The following IQGAP3 variants were observed in gnomAD, a reference collection of about 807,000 sequenced individuals.
IQGAP3 encodes the protein IQ motif containing GTPase activating protein 3.
IQGAP3 carries 165 observed loss-of-function variants against 208.2 expected under a neutral mutation model. The ratio of observed to expected loss-of-function variants is 0.79; its 90% CI spans 0.70 to 0.90. IQGAP3 has a LOEUF of 0.90. Ranked by LOEUF, IQGAP3 falls within the 40% of genes least tolerant of loss-of-function variation. The pLI is 0.00. For synonymous variants in IQGAP3, 703 were observed against 803.6 expected (o/e 0.87, Z 2.12); for missense variants, 1,811 against 2,043.1 (o/e 0.89, Z 2.19).
rs760850975 is a variant in IQGAP3, at chr1:156,540,827, G to C, written c.2620C>G (p.Leu874Val). Residue 874 changes from leucine to valine, a missense_variant, in exon 23 of 38, where the codon CTG (leucine) becomes GTG (valine). Transcript: ENST00000361170. ...SQQDFLAEAE[L>V]LKLQEEVVRK... ...ACTACCTCTTCCTGGAGCTTCAGCA[G>C]CTCTGCCTCAGCCAAGAAGTCTTGC... 1.2e-6 allele frequency: 2 copies of C among 1,614,118 alleles called. No homozygotes were observed. Among genetic ancestry groups the C allele is most frequent in the Non-Finnish European group, 1.7e-6 (2 of 1,180,002 alleles).
intron 25 of IQGAP3, 95 bp from the exon 26 acceptor site, chr1:156,539,128 C>G (rs1674855320): frequency 6.6e-6 from 7 of 1,055,250 alleles, no homozygotes; most frequent in Non-Finnish European, 8.6e-6. Flanking sequence ...CAAAGCCTGC[C>G]CTGGTGTCCC....
At chr1:156,553,669 C>T (rs1449604676) in intron 13 of IQGAP3, among the ~76,000 whole-genome samples, 1 of 151,542 alleles carries the variant, frequency 6.6e-6, no homozygotes, top group African/African-American at 2.4e-5. Flanking sequence ...ACAACCTCCA[C>T]CTCCCAGGTT....
At position 156,537,325 on chromosome 1, in the gene IQGAP3, T is replaced by G; in HGVS notation, c.3282-4A>C. On this transcript the variant is annotated splice_polypyrimidine_tract_variant and splice_region_variant and intron_variant, in intron 26 of 37. Coordinates refer to ENST00000361170, the MANE Select transcript of IQGAP3 (RefSeq NM_178229.5). Reference sequence around the variant, plus strand: ...GGTGACATCATATGGGAGATGGCTATGAGCAGAGAGAGACAAGGTGTAAGC... The same window carrying G: ...GGTGACATCATATGGGAGATGGCTAGGAGCAGAGAGAGACAAGGTGTAAGC... 2 of 1,610,828 alleles carry G rather than the reference T, an allele frequency of 1.2e-6. No individual in the cohort carries two copies. Among genetic ancestry groups the G allele is most frequent in the Non-Finnish European group, 1.7e-6 (2 of 1,178,398 alleles).
At chr1:156,531,584 G>A (rs1674405856) in intron 32 of IQGAP3, among the ~76,000 whole-genome samples, 1 of 149,212 alleles carries the variant, frequency 6.7e-6, no homozygotes, top group South Asian at 2.1e-4. Context: ...GCAGGACAAA[G>A]ATGATACTCA....
chr1:156,569,284 C>T (rs1360399117), intron 2 of IQGAP3, 92 bp downstream of exon 2: 13 of 782,678 alleles, frequency 1.7e-5, no homozygotes, highest in East Asian at 8.0e-5. Context: ...GATGGACTCT[C>T]GATCTGTTGC....
In IQGAP3 at chr1:156,530,223, GAGTGAGCTGTC is replaced by G. The variant is rs1390148784; in HGVS notation, c.4275_4285del (p.Thr1426ProfsTer19). 14 of 1,613,270 alleles carry G rather than the reference GAGTGAGCTGTC, an allele frequency of 8.7e-6. No individual in the cohort carries two copies. Among genetic ancestry groups the G allele is most frequent in the Non-Finnish European group, 1.2e-5 (14 of 1,179,920 alleles). ...CTGCTTCTCTGCCAGTGGCAGGAGGGAGTGAGCTGTCAGTGAGCGGTGTCGTCGCAGTGGCT... is the reference window on the plus strand; with the variant it reads ...CTGCTTCTCTGCCAGTGGCAGGAGGGAGTGAGCGGTGTCGTCGCAGTGGCT... On this transcript the variant is annotated frameshift_variant, in exon 34 of 38. Coordinates refer to ENST00000361170, the MANE Select transcript of IQGAP3 (RefSeq NM_178229.5). LOFTEE classifies it high-confidence loss of function.
Position 156,531,176 on chromosome 1 carries a change from G to A in IQGAP3, c.4175C>T (p.Ser1392Leu), listed in dbSNP as rs752215135. Reference protein sequence around the residue: ...GDTLKEILSLSASREQEAAHK... With the variant: ...GDTLKEILSLLASREQEAAHK... ...GCTACTCACTTGCTCTCTGGAAGCC[G>A]AGAGGGACAGGATCTCCTTGAGGGT... The change falls in exon 33 of 38, where the codon TCG (serine) becomes TTG (leucine). Residue 1392 changes from serine to leucine, a missense_variant. By Grantham distance (145) the Ser-to-Leu change is moderately radical. Transcript: ENST00000361170. 20 of 1,613,450 alleles carry A rather than the reference G, an allele frequency of 1.2e-5. No individual in the cohort carries two copies. In the South Asian group the frequency reaches 1.9e-4, roughly 15 times the overall value.
intron 1 of IQGAP3, among the ~76,000 whole-genome samples, chr1:156,571,859 TC>T (rs1676659900): frequency 6.6e-6 from 1 of 152,164 alleles, no homozygotes; most frequent in African/African-American, 2.4e-5. Context: ...CACCCATCCT[TC>T]CAGCTCCAGT....
chr1:156,536,960 T>C (rs375669852), intron 27 of IQGAP3: 49 of 423,490 alleles, frequency 1.2e-4, no homozygotes, highest in African/African-American at 9.3e-4. Flanking sequence ...ACTGACATCC[T>C]ACCAGGCCAC....
rs374166935 is a variant in IQGAP3, at chr1:156,550,286, G to C, written c.1800C>G (p.Asn600Lys). ...TTCTCTGAGCTGTATTAGTGTCCTG[G>C]TTGGCTCTGACCACTCCCTGGCGGA... ...EEIRQGVVRA[N>K]QDTNTAQRMA... The change falls in exon 16 of 38, where the codon AAC becomes AAG. Residue 600 changes from asparagine to lysine, a missense_variant. By Grantham distance (94) the Asn-to-Lys change is moderately conservative. Coordinates refer to ENST00000361170, the MANE Select transcript of IQGAP3 (RefSeq NM_178229.5). The C allele has an allele frequency of 6.2e-7, 1 of 1,613,530 alleles. No homozygotes were observed. The highest frequency in any genetic ancestry group is 8.5e-7 in the Non-Finnish European group (1 of 1,179,634).
chr1:156,536,904 TA>T, intron 27 of IQGAP3: 3 of 287,532 alleles, frequency 1.0e-5, no homozygotes, highest in Non-Finnish European at 1.9e-5. Flanking sequence ...TGCTCTTAGC[TA>T]ATAAAGTGTC....
At chr1:156,563,079 G>A in intron 8 of IQGAP3, 55 bp downstream of exon 8, 1 of 1,467,660 alleles carries the variant, frequency 6.8e-7, no homozygotes, top group Non-Finnish European at 9.2e-7. Flanking sequence ...GGTTTCACTT[G>A]AGACTTTCCA....
chr1:156,528,479 G>T (rs1199192663), intron 36 of IQGAP3, 30 bp downstream of exon 36: 4 of 1,525,966 alleles, frequency 2.6e-6, no homozygotes, highest in East Asian at 4.5e-5. Context: ...ACAGGAAGGG[G>T]CTGACATCCT....
At chr1:156,543,500 A>T (rs1317115713) in intron 22 of IQGAP3, among the ~76,000 whole-genome samples, 2 of 152,252 alleles carry the variant, frequency 1.3e-5, no homozygotes, top group Admixed American at 1.3e-4. Flanking sequence ...TTGAAGAACA[A>T]GAGCCAGAAA....
chr1:156,534,643 C>A lies in IQGAP3; in HGVS notation c.3598G>T (p.Ala1200Ser), dbSNP rs762168066. The A allele has an allele frequency of 2.5e-6, 4 of 1,611,846 alleles. No homozygotes were observed. The highest frequency in any genetic ancestry group is 2.0e-4 in the Middle Eastern group (1 of 5,076). Residue 1200 changes from alanine (A) to serine (S), a missense_variant, in exon 29 of 38, where the codon GCC becomes TCC. Physicochemically the swap from Ala to Ser is moderately conservative, Grantham distance 99 (BLOSUM62 1). Coordinates refer to ENST00000361170, the MANE Select transcript of IQGAP3 (RefSeq NM_178229.5). ...FDIVAMAAGGALAAPQRHALG... is the reference protein window; with the variant it reads ...FDIVAMAAGGSLAAPQRHALG... ...GCATGGCGCTGGGGGGCAGCCAGGG[C>A]TCCACCAGCTGCCATGGCCACAATG...
At chr1:156,527,874 G>T (rs139242138) in intron 37 of IQGAP3, 78 bp downstream of exon 37, 2 of 947,698 alleles carry the variant, frequency 2.1e-6, no homozygotes, top group East Asian at 4.8e-5. Context: ...GACTAGGAAA[G>T]TGAGGCCAGC....
intron 19 of IQGAP3, 142 bp from the exon 20 acceptor site, chr1:156,544,614 C>T (rs1253156408): frequency 4.3e-6 from 3 of 691,274 alleles, no homozygotes; most frequent in Non-Finnish European, 7.6e-6. Context: ...TGGCCCTGTT[C>T]TCAAAGAACT....
At chr1:156,537,518 G>T (rs531061190) in intron 26 of IQGAP3, among the ~76,000 whole-genome samples, 197 bp from the exon 27 acceptor site, 29 of 152,204 alleles carry the variant, frequency 1.9e-4, no homozygotes, top group Non-Finnish European at 3.8e-4. Flanking sequence ...AAGAAGAGTT[G>T]GAGTATCTAC....
intron 26 of IQGAP3, among the ~76,000 whole-genome samples, chr1:156,538,052 C>T (rs142219756): frequency 2.0e-5 from 3 of 152,006 alleles, no homozygotes; most frequent in South Asian, 2.1e-4. Flanking sequence ...CCACAACACC[C>T]GGCGAATTTT....
Sources: allele counts gnomAD v4.1 joint callset (sites outside exome capture counted in the v4.1 genomes callset), GRCh38; gene constraint gnomAD v4.1.1; transcripts MANE v1.5; gene names NCBI Gene and HGNC (gene_info 2026-07-23, HGNC 2026-07-21).